PER1: variants seen among roughly 807,000 people sequenced by gnomAD.
PER1 encodes period circadian protein homolog 1.
A neutral mutation model predicts 125.9 loss-of-function variants in PER1; 87 were observed. That is an observed-to-expected ratio of 0.69 (90% CI 0.58 to 0.83). PER1 has a LOEUF of 0.83. PER1 is among the 40% of genes least tolerant of loss of function. PER1 has a pLI of 0.00. For missense variants in PER1, 1,775 were observed against 1,722.8 expected (o/e 1.03, Z -0.54); for synonymous variants, 801 against 714.7 (o/e 1.12, Z -1.93).
Position 8,142,637 on chromosome 17 carries a change from C to CG in PER1, c.3259+11dup. Reference sequence around the variant, plus strand: ...GCCCTACCCTGGGAGATGCTGGAGGCGGGGTACTCACGAGTGATGCTGGCT... The same window carrying CG: ...GCCCTACCCTGGGAGATGCTGGAGGCGGGGGTACTCACGAGTGATGCTGGCT... On this transcript the variant is annotated intron_variant, in intron 20 of 22. Transcript: ENST00000317276. 3 of 1,612,800 alleles carry CG rather than the reference C, an allele frequency of 1.9e-6. No individual in the cohort carries two copies. The highest frequency in any genetic ancestry group is 2.5e-6 in the Non-Finnish European group (3 of 1,179,158).
intron 13 of PER1, 21 bp downstream of exon 13, chr17:8,147,229 A>C: frequency 1.3e-6 from 2 of 1,592,330 alleles, no homozygotes; most frequent in Non-Finnish European, 1.7e-6. Flanking sequence ...TTAGAGGGTG[A>C]GGTAGGAGCA....
chr17:8,151,134 A>G (rs1982836936), intron 1 of PER1, among the ~76,000 whole-genome samples: 1 of 152,190 alleles, frequency 6.6e-6, no homozygotes, highest in East Asian at 1.9e-4. Flanking sequence ...CCCATTCCCA[A>G]GTTCCCATTA....
At position 8,142,402 on chromosome 17, in the gene PER1, C is replaced by T; in HGVS notation, c.3316G>A (p.Ala1106Thr). 2 of 1,609,488 alleles carry T rather than the reference C, an allele frequency of 1.2e-6. No homozygotes were observed. The highest frequency in any genetic ancestry group is 1.7e-6 in the Non-Finnish European group (2 of 1,178,316). The part of the protein sequence containing the change: ...KYFGSIDSSE[A>T]EAGAARGGAE... ...CCGCCCCGAGCAGCCCCAGCCTCAG[C>T]CTCGGAAGAGTCGATGCTGCCAAAG... is the stretch of plus-strand genomic sequence containing the variant. The change falls in exon 21 of 23, where the codon GCT becomes ACT. Residue 1106 changes from alanine to threonine, a missense_variant. Ala to Thr is a moderately conservative substitution (Grantham distance 58). Coordinates refer to ENST00000317276, the MANE Select transcript of PER1 (RefSeq NM_002616.3).
At chr17:8,151,919 G>A (rs1982883615) in intron 1 of PER1, among the ~76,000 whole-genome samples, 1 of 152,230 alleles carries the variant, frequency 6.6e-6, no homozygotes, top group South Asian at 2.1e-4. Flanking sequence ...CTGGGAACGG[G>A]ATGTTCTAGT....
chr17:8,151,217 C>T (rs1598259052), intron 1 of PER1, among the ~76,000 whole-genome samples: 1 of 152,216 alleles, frequency 6.6e-6, no homozygotes, highest in African/African-American at 2.4e-5. Flanking sequence ...ATTTAGGCCT[C>T]CAGGCTAATT....
chr17:8,151,351 T>C (rs1242238566), intron 1 of PER1, among the ~76,000 whole-genome samples: 1 of 152,194 alleles, frequency 6.6e-6, no homozygotes, highest in African/African-American at 2.4e-5. Context: ...CAGCGGTTGC[T>C]GGAGGGACCA....
intron 10 of PER1, 26 bp from the exon 11 acceptor site, chr17:8,147,853 G>A (rs911788042): frequency 1.4e-5 from 23 of 1,612,634 alleles, no homozygotes; most frequent in Middle Eastern, 3.3e-4. Context: ...AAGGAGGAGC[G>A]GTCAAAGGGA....
At position 8,150,138 on chromosome 17, in the gene PER1, C is replaced by A. The variant is rs1468456700; in HGVS notation, c.375-13G>T. On this transcript the variant is annotated splice_polypyrimidine_tract_variant and intron_variant, in intron 3 of 22. Coordinates refer to ENST00000317276, the MANE Select transcript of PER1 (RefSeq NM_002616.3). The stretch of plus-strand genomic sequence containing the variant: ...TGACTGTTCACTGCTGCGGGGCCCA[C>A]AGGGAAGAAAGAGATAAAGACATTA... The A allele has an allele frequency of 3.1e-6, 5 of 1,613,190 alleles. No homozygotes were observed. Among genetic ancestry groups the A allele is most frequent in the Non-Finnish European group, 4.2e-6 (5 of 1,179,320 alleles).
chr17:8,144,673 C>T lies in PER1; in HGVS notation c.2461+78G>A, dbSNP rs1202678959. The stretch of plus-strand genomic sequence containing the variant: ...GCCTGGGTCCCTGGAGCAGAAACAC[C>T]TCCCTTAAGACCCACCCCCCAACAA... On this transcript the variant is annotated intron_variant, in intron 18 of 22. Transcript: ENST00000317276. 4 of 1,524,394 alleles carry T rather than the reference C, an allele frequency of 2.6e-6. No individual in the cohort carries two copies. The African/African-American group carries it at 5.5e-5, about 21-fold the overall frequency. 94.4% of individuals were successfully genotyped at this position (1,524,394 alleles called of 1,614,324 possible).
Position 8,142,826 on chromosome 17 carries a change from T to C in PER1, c.3082A>G (p.Thr1028Ala). 3 of 1,601,176 alleles carry C rather than the reference T, an allele frequency of 1.9e-6. No homozygotes were observed. The highest frequency in any genetic ancestry group is 2.6e-6 in the Non-Finnish European group (3 of 1,175,834). ...AEPEARLAEV[T>A]ESSNQDALSG... ...AGTGCGTCCTGATTGGAGGACTCAG[T>C]GACCTCCGCCTGGAGGAGGGGAGGG... Residue 1028 changes from threonine (T) to alanine (A), a missense_variant, in exon 20 of 23, where the codon ACT (threonine) becomes GCT (alanine). Coordinates refer to ENST00000317276, the MANE Select transcript of PER1 (RefSeq NM_002616.3).
At chr17:8,141,710 CT>C (rs59587156) in intron 22 of PER1, 94 bp downstream of exon 22, 224,990 of 1,130,650 alleles carry the variant, frequency 0.2, 49,375 homozygotes, top group African/African-American at 0.37. Context: ...GAGCTCAATT[CT>C]TTTTTCTCCC....
intron 17 of PER1, 145 bp downstream of exon 17, chr17:8,145,813 A>G: frequency 2.4e-6 from 2 of 850,122 alleles, no homozygotes; most frequent in Non-Finnish European, 1.8e-6. Context: ...GGGAGGGGAG[A>G]GCAAGAAGCA....
intron 20 of PER1, 78 bp from the exon 21 acceptor site, chr17:8,142,536 A>C (rs961213534): frequency 1.9e-6 from 3 of 1,547,800 alleles, no homozygotes; most frequent in Non-Finnish European, 2.6e-6. Flanking sequence ...GCCTCCCTCA[A>C]AGGCCACATG....
At position 8,146,629 on chromosome 17, in the gene PER1, G is replaced by A. The variant is rs1304684143; in HGVS notation, c.1872C>T (p.Ser624=). ...EAERKEASSC[S]YQQINCLDSI... ...TGTCCAGGCAGTTGATCTGCTGGTAGGAGCAGCTGGAGGCTTCTTTCCTCT... is the reference window on the plus strand; with the variant it reads ...TGTCCAGGCAGTTGATCTGCTGGTAAGAGCAGCTGGAGGCTTCTTTCCTCT... The change falls in exon 15 of 23, where the codon TCC becomes TCT. Residue 624 remains serine, a synonymous_variant. Coordinates refer to ENST00000317276, the MANE Select transcript of PER1 (RefSeq NM_002616.3). 2 of 1,613,158 alleles carry A rather than the reference G, an allele frequency of 1.2e-6. No homozygotes were observed. Among genetic ancestry groups the A allele is most frequent in the East Asian group, 2.2e-5 (1 of 44,872 alleles).
In PER1 at chr17:8,150,765, G is replaced by A. The variant is rs1982812272; in HGVS notation, c.-59C>T. 3 of 1,466,656 alleles carry A rather than the reference G, an allele frequency of 2.0e-6. No individual in the cohort carries two copies. Among genetic ancestry groups the A allele is most frequent in the Non-Finnish European group, 2.7e-6 (3 of 1,105,996 alleles). The allele number at this position is 1,466,656 out of a possible 1,614,324, so 90.9% of individuals were successfully genotyped here. A position where few individuals can be genotyped will look rare whatever the true frequency, so the allele number is the denominator to read the frequency against. ...CAGAGAGGCCACCACGGATGCACGA[G>A]GGGGCCTGGAGGCTTGGCTGAGGGA... On this transcript the variant is annotated 5_prime_UTR_variant, in exon 2 of 23. Transcript: ENST00000317276.
chr17:8,147,277 A>G lies in PER1; in HGVS notation c.1602T>C (p.Asp534=). The G allele has an allele frequency of 6.2e-7, 1 of 1,612,480 alleles. No homozygotes were observed. Among genetic ancestry groups the G allele is most frequent in the Admixed American group, 1.7e-5 (1 of 59,840 alleles). Residue 534 remains aspartate (D), a synonymous_variant, in exon 13 of 23, where the codon GAT becomes GAC. Transcript: ENST00000317276. ...PGSSSDSNGG[D]AEGPGPPAPV... ...GCGCAGGAGGCCCAGGCCCCTCTGCATCACCCCCGTTGCTATCACTGGAGG... is the reference window on the plus strand; with the variant it reads ...GCGCAGGAGGCCCAGGCCCCTCTGCGTCACCCCCGTTGCTATCACTGGAGG...
rs1435112276 is a variant in PER1 at position 8,150,722 on chromosome 17, A to T, written c.-16T>A. 3.9e-6 allele frequency: 6 copies of T among 1,522,678 alleles called. No homozygotes were observed. The highest frequency in any genetic ancestry group is 5.2e-6 in the Non-Finnish European group (6 of 1,144,058). 94.3% of individuals were successfully genotyped at this position (1,522,678 alleles called of 1,614,324 possible). On this transcript the variant is annotated 5_prime_UTR_variant, in exon 2 of 23. Transcript: ENST00000317276. ...GGCCACTCATGTCTGGGCCATGGGG[A>T]GAACAGAACAGAGAAGGCAGAGAGG...
rs1221259214 is a variant in PER1 at position 8,143,369 on chromosome 17, T to G, written c.2969A>C (p.Glu990Ala). The change falls in exon 19 of 23, where the codon GAG becomes GCG. Residue 990 changes from glutamate (E) to alanine (A), a missense_variant. Coordinates refer to ENST00000317276, the MANE Select transcript of PER1 (RefSeq NM_002616.3). The stretch of plus-strand genomic sequence containing the variant: ...AGCCCCCTCAGCACGGGGGAGCTCC[T>G]CCAGCTGCAGCAGATTGAGCTGGAG... Reference protein sequence around the residue: ...SPLQLNLLQLEELPRAEGAAV... With the variant: ...SPLQLNLLQLAELPRAEGAAV... The G allele has an allele frequency of 3.1e-6, 5 of 1,613,078 alleles. No individual in the cohort carries two copies. Among genetic ancestry groups the G allele is most frequent in the Non-Finnish European group, 4.2e-6 (5 of 1,179,562 alleles).
Position 8,148,095 on chromosome 17 carries a change from G to C in PER1, c.1136C>G (p.Pro379Arg). 1 of 1,612,410 alleles carries C rather than the reference G, an allele frequency of 6.2e-7. No homozygotes were observed. The highest frequency in any genetic ancestry group is 8.5e-7 in the Non-Finnish European group (1 of 1,179,334). ...LFQDVDERAA[P>R]LLGYLPQDLL... is the part of the protein sequence containing the mutation. ...GTCCTGGGGCAGGTAGCCCAGCAGG[G>C]GGGCAGCCCTGAACGGGAAGGAGGC... Residue 379 changes from proline to arginine, a missense_variant, in exon 10 of 23, where the codon CCC becomes CGC. Coordinates refer to ENST00000317276, the MANE Select transcript of PER1 (RefSeq NM_002616.3).
Sources: gnomAD v4.1 joint callset for allele counts (sites outside exome capture counted in the v4.1 genomes callset) on GRCh38, gnomAD v4.1.1 for gene constraint, MANE v1.5 for transcripts, NCBI Gene and HGNC (gene_info 2026-07-23, HGNC 2026-07-21) for gene names.